The following SSH2 variants were observed in gnomAD, a reference collection of about 807,000 sequenced individuals.
The protein encoded by SSH2 is slingshot protein phosphatase 2.
SSH2 carries 37 observed loss-of-function variants against 135.2 expected under a neutral mutation model. The ratio of observed to expected loss-of-function variants is 0.27; its 90% CI spans 0.21 to 0.36. The LOEUF is 0.36. SSH2 is among the 10% of genes least tolerant of loss of function. SSH2 has a pLI of 1.00. For missense variants in SSH2, 1,408 were observed against 1,765.3 expected (o/e 0.80, Z 3.63); for synonymous variants, 628 against 646.2 (o/e 0.97, Z 0.43).
chr17:29,704,527 C>T (rs946222235), intron 3 of SSH2, among the ~76,000 whole-genome samples: 7 of 151,918 alleles, frequency 4.6e-5, no homozygotes, highest in Non-Finnish European at 7.4e-5. Context: ...CACAGTGAGA[C>T]TCCATCTCTG....
At chr17:29,660,035 GGC>G (rs1355478764) in intron 11 of SSH2, among the ~76,000 whole-genome samples, 1 of 124,924 alleles carries the variant, frequency 8.0e-6, no homozygotes, top group Non-Finnish European at 1.7e-5. Flanking sequence ...TCACCATGTT[GGC>G]CAGGATGGTC....
At chr17:29,661,284 C>T (rs1299021707) in intron 11 of SSH2, among the ~76,000 whole-genome samples, 5 of 152,052 alleles carry the variant, frequency 3.3e-5, no homozygotes, top group Admixed American at 3.3e-4. Context: ...AGAATTAGAT[C>T]AGACTGTACA....
chr17:29,826,131 A>C (rs2042739140), intron 2 of SSH2, among the ~76,000 whole-genome samples: 1 of 152,154 alleles, frequency 6.6e-6, no homozygotes, highest in African/African-American at 2.4e-5. Context: ...AAAGCATCAA[A>C]ATCTTAGTGA....
At chr17:29,665,114 G>A (rs1199697566) in intron 11 of SSH2, among the ~76,000 whole-genome samples, 6 of 152,136 alleles carry the variant, frequency 3.9e-5, no homozygotes, top group Admixed American at 3.9e-4. Context: ...CCCATAGAAC[G>A]AGTGACTCAC....
intron 1 of SSH2, among the ~76,000 whole-genome samples, chr17:29,885,588 T>C (rs140012219): frequency 1.3e-5 from 2 of 152,294 alleles, no homozygotes; most frequent in Non-Finnish European, 2.9e-5. Context: ...GAGTGGAGAT[T>C]GAGTCAGTTA....
Position 29,811,374 on chromosome 17 carries a change from CA to C in SSH2, c.145-17438del, listed in dbSNP as rs1381952926. 2.8e-4 allele frequency among the ~76,000 whole-genome samples: 43 copies of C among 152,008 alleles called. 1 individual carries two copies. The highest frequency in any genetic ancestry group is 9.9e-4 in the African/African-American group (41 of 41,456). The stretch of plus-strand genomic sequence containing the variant: ...GGTTATTGCCGGCAATATACAATAG[CA>C]AATCATTTCTATATATTTATTTTGA... On this transcript the variant is annotated intron_variant, in intron 2 of 15. Coordinates refer to ENST00000540801, the MANE Select transcript of SSH2 (RefSeq NM_001282129.2).
At chr17:29,744,487 A>T (rs1294137255) in intron 3 of SSH2, among the ~76,000 whole-genome samples, 2 of 152,216 alleles carry the variant, frequency 1.3e-5, no homozygotes, top group African/African-American at 2.4e-5. Flanking sequence ...GCATTTATAT[A>T]GTTCTTGATC....
intron 1 of SSH2, among the ~76,000 whole-genome samples, chr17:29,893,911 T>C (rs1434291433): frequency 6.6e-6 from 1 of 152,158 alleles, no homozygotes; most frequent in Non-Finnish European, 1.5e-5. Flanking sequence ...AACATTGCTC[T>C]TGATGTTCTT....
chr17:29,913,335 A>ATT (rs2066801135), intron 1 of SSH2, among the ~76,000 whole-genome samples: 2 of 53,832 alleles, frequency 3.7e-5, no homozygotes, highest in Non-Finnish European at 7.6e-5. Context: ...AAAAAAAAAA[A>ATT]AAAAAAAAAA....
intron 1 of SSH2, among the ~76,000 whole-genome samples, chr17:29,916,878 C>T (rs1216916214): frequency 2.6e-5 from 4 of 152,066 alleles, no homozygotes; most frequent in African/African-American, 7.2e-5. Flanking sequence ...GAAGAAAAGG[C>T]TATCTCAAAT....
intron 3 of SSH2, among the ~76,000 whole-genome samples, chr17:29,765,865 C>T (rs1221317971): frequency 6.6e-6 from 1 of 151,670 alleles, no homozygotes; most frequent in Non-Finnish European, 1.5e-5. Context: ...ATTAAAAATA[C>T]AAAAATTAGC....
At chr17:29,913,352 A>AAAAAAAAAAT (rs2066815469) in intron 1 of SSH2, among the ~76,000 whole-genome samples, 1 of 36,674 alleles carries the variant, frequency 2.7e-5, no homozygotes, top group Non-Finnish European at 5.4e-5. Context: ...AAAAAAATAT[A>AAAAAAAAAAT]TATATATATA....
chr17:29,772,217 T>TGTGAG (rs1377734524), intron 3 of SSH2, among the ~76,000 whole-genome samples: 1 of 151,608 alleles, frequency 6.6e-6, no homozygotes, highest in Non-Finnish European at 1.5e-5. Context: ...GCTACCATAG[T>TGTGAG]GTGAGGTGAG....
rs180716327 is a variant in SSH2, at chr17:29,671,696, G to A, written c.809+239C>T. 4.6e-5 allele frequency among the ~76,000 whole-genome samples: 7 copies of A among 152,250 alleles called. No individual in the cohort carries two copies. In the East Asian group the frequency reaches 5.8e-4, roughly 13 times the overall value. The stretch of plus-strand genomic sequence containing the variant: ...GGAATCTGAATAATGAAATTTTATC[G>A]TATTGAAGTTTTTGACTATGGAGAC... On this transcript the variant is annotated intron_variant, in intron 9 of 15. Coordinates refer to ENST00000540801, the MANE Select transcript of SSH2 (RefSeq NM_001282129.2).
At position 29,778,661 on chromosome 17, in the gene SSH2, A is replaced by AAT. The variant is rs1555632267; in HGVS notation, c.188+15232_188+15233insAT. On this transcript the variant is annotated intron_variant, in intron 3 of 15. Transcript: ENST00000540801. Reference sequence around the variant, plus strand: ...GTCTAAAAAAATAAATAAATAAATAAAAATAAATAAATAAATAAATAAAGT... The same window carrying AAT: ...GTCTAAAAAAATAAATAAATAAATAAATAAATAAATAAATAAATAAATAAAGT... 5.7e-4 allele frequency among the ~76,000 whole-genome samples: 81 copies of AAT among 142,910 alleles called. 1 individual carries two copies. The highest frequency in any genetic ancestry group is 3.4e-3 in the South Asian group (15 of 4,472). 93.8% of individuals were successfully genotyped at this position (142,910 alleles called of 152,430 possible).
At chr17:29,921,729 G>A (rs998227355) in intron 1 of SSH2, among the ~76,000 whole-genome samples, 1 of 151,924 alleles carries the variant, frequency 6.6e-6, no homozygotes, top group Non-Finnish European at 1.5e-5. Context: ...ATCCACCACC[G>A]CATCTGGCTA....
chr17:29,896,518 T>C (rs1227569629), intron 1 of SSH2, among the ~76,000 whole-genome samples: 1 of 150,094 alleles, frequency 6.7e-6, no homozygotes, highest in African/African-American at 2.4e-5. Flanking sequence ...TCTGTAGATT[T>C]TGGTATTTTA....
At chr17:29,780,170 T>C (rs994717253) in intron 3 of SSH2, among the ~76,000 whole-genome samples, 1 of 151,968 alleles carries the variant, frequency 6.6e-6, no homozygotes, top group Non-Finnish European at 1.5e-5. Context: ...TGAGCCTAGA[T>C]TGTGCCATTG....
At chr17:29,715,306 C>T (rs1350231332) in intron 3 of SSH2, among the ~76,000 whole-genome samples, 4 of 150,586 alleles carry the variant, frequency 2.7e-5, no homozygotes, top group South Asian at 4.2e-4. Flanking sequence ...AGTGCAGTGG[C>T]GTGATCTTGG....
Sources: gnomAD v4.1 joint callset for allele counts (sites outside exome capture counted in the v4.1 genomes callset) on GRCh38, gnomAD v4.1.1 for gene constraint, MANE v1.5 for transcripts, NCBI Gene and HGNC (gene_info 2026-07-23, HGNC 2026-07-21) for gene names.